LMBR1: variants seen among roughly 807,000 people sequenced by gnomAD.
LMBR1 encodes limb development membrane protein 1, also known as limb region 1 protein homolog.
Under a neutral mutation model 73.9 loss-of-function variants are expected in LMBR1, and 52 were observed. That is an observed-to-expected ratio of 0.70 (90% CI 0.56 to 0.89). The LOEUF is 0.89. LMBR1 is among the 40% of genes least tolerant of loss of function. LMBR1 has a pLI of 0.00. For synonymous variants in LMBR1, 215 were observed against 209.4 expected, an observed-to-expected ratio of 1.03 and a Z score of -0.23; for missense variants, 539 against 579.8, an observed-to-expected ratio of 0.93 and a Z score of 0.72.
chr7:156,850,604 A>G (rs998836689), intron 1 of LMBR1, among the ~76,000 whole-genome samples: 2 of 152,182 alleles, frequency 1.3e-5, no homozygotes, highest in East Asian at 1.9e-4. Flanking sequence ...TCCATGCTGT[A>G]GCATGTAACA....
At chr7:156,778,781 C>T (rs1472890535) in intron 5 of LMBR1, among the ~76,000 whole-genome samples, 1 of 152,162 alleles carries the variant, frequency 6.6e-6, no homozygotes, top group Non-Finnish European at 1.5e-5. Flanking sequence ...CTTTTGGATG[C>T]CATTCTGACT....
intron 5 of LMBR1, among the ~76,000 whole-genome samples, chr7:156,771,470 CTT>C (rs1226600411): frequency 6.6e-6 from 1 of 152,098 alleles, no homozygotes; most frequent in African/African-American, 2.4e-5. Context: ...AACTAGAAAA[CTT>C]AGCAGAAATG....
intron 15 of LMBR1, among the ~76,000 whole-genome samples, chr7:156,713,489 A>T (rs1334551614): frequency 6.6e-6 from 1 of 152,008 alleles, no homozygotes; most frequent in Non-Finnish European, 1.5e-5. Flanking sequence ...CATGTGGGGG[A>T]CAGGAGGTAC....
intron 1 of LMBR1, among the ~76,000 whole-genome samples, chr7:156,890,051 A>T (rs1057018221): frequency 1.3e-5 from 2 of 152,184 alleles, no homozygotes; most frequent in African/African-American, 4.8e-5. Context: ...CAATAAAACC[A>T]CATAAAGTCC....
rs145270269 is a variant in LMBR1 at position 156,786,125 on chromosome 7, G to A, written c.423+10264C>T. On this transcript the variant is annotated intron_variant, in intron 5 of 16. Transcript: ENST00000353442. The stretch of plus-strand genomic sequence containing the variant: ...AGGGAGGGAGGGAAGGAGGGAGGCT[G>A]TGAAGGAGGGAAAGAAGGAATGAGG... 1.7e-3 allele frequency among the ~76,000 whole-genome samples: 252 copies of A among 149,416 alleles called. 3 individuals are homozygous for A. The highest frequency in any genetic ancestry group is 5.7e-3 in the African/African-American group (232 of 40,570).
chr7:156,867,566 T>C (rs774027254), intron 1 of LMBR1, among the ~76,000 whole-genome samples: 3 of 152,230 alleles, frequency 2.0e-5, no homozygotes, highest in East Asian at 1.9e-4. Context: ...TGGAATATTA[T>C]TGGACCATAA....
intron 5 of LMBR1, among the ~76,000 whole-genome samples, chr7:156,766,885 T>C (rs1824188831): frequency 6.6e-6 from 1 of 152,104 alleles, no homozygotes; most frequent in African/African-American, 2.4e-5. Flanking sequence ...AGGTAAAAGG[T>C]CCTGTGGGTA....
intron 8 of LMBR1, among the ~76,000 whole-genome samples, chr7:156,759,279 G>C (rs928029743): frequency 6.6e-6 from 1 of 152,202 alleles, no homozygotes; most frequent in Admixed American, 6.5e-5. Flanking sequence ...TCAATTAGAG[G>C]AAACTGTAAG....
chr7:156,805,553 TC>T (rs1831887078), intron 4 of LMBR1, among the ~76,000 whole-genome samples: 1 of 151,910 alleles, frequency 6.6e-6, no homozygotes. Context: ...TTTAAAAGAG[TC>T]TTTAGGTCAG....
chr7:156,819,628 T>G (rs1834442646), intron 4 of LMBR1, among the ~76,000 whole-genome samples: 1 of 152,198 alleles, frequency 6.6e-6, no homozygotes. Context: ...AAATGAATAT[T>G]AGTGATATAA....
At chr7:156,749,281 C>CATT (rs10660341) in intron 9 of LMBR1, among the ~76,000 whole-genome samples, 34,424 of 151,972 alleles carry the variant, frequency 0.23, 4,753 homozygotes, top group African/African-American at 0.4. Flanking sequence ...TTCCATATAT[C>CATT]AAGTGTGTTA....
At position 156,800,482 on chromosome 7, in the gene LMBR1, C is replaced by CAAAAAAAAAAAAA. The variant is rs1245017996; in HGVS notation, c.320-4003_320-3991dup. ...AAGCCTACTGTTAAGACTTGCTACT[C>CAAAAAAAAAAAAA]AAAAAAAAAAAAAAAAAAGATTTTC... On this transcript the variant is annotated intron_variant, in intron 4 of 16. Coordinates refer to ENST00000353442, the MANE Select transcript of LMBR1 (RefSeq NM_022458.4). Among the ~76,000 whole-genome samples the CAAAAAAAAAAAAA allele has an allele frequency of 7.8e-3, 628 of 80,822 alleles. 42 individuals carry two copies. The highest frequency in any genetic ancestry group is 0.023 in the African/African-American group (465 of 20,424). The allele number at this position is 80,822 out of a possible 152,430, so 53.0% of individuals were successfully genotyped here. A position where few individuals can be genotyped will look rare whatever the true frequency, so the allele number is the denominator to read the frequency against.
chr7:156,864,084 G>A (rs1798104251), intron 1 of LMBR1, among the ~76,000 whole-genome samples: 1 of 152,128 alleles, frequency 6.6e-6, no homozygotes, highest in Non-Finnish European at 1.5e-5. Context: ...AACCTGGGAA[G>A]TGGAGGTTGC....
At chr7:156,751,101 C>A (rs887781557) in intron 9 of LMBR1, among the ~76,000 whole-genome samples, 1 of 152,044 alleles carries the variant, frequency 6.6e-6, no homozygotes, top group Non-Finnish European at 1.5e-5. Flanking sequence ...CAGAGTGAGA[C>A]CTTGTCTCAA....
At chr7:156,810,404 T>A (rs80037847) in intron 4 of LMBR1, among the ~76,000 whole-genome samples, 1 of 152,128 alleles carries the variant, frequency 6.6e-6, no homozygotes, top group Non-Finnish European at 1.5e-5. Flanking sequence ...TTTCTCTCTC[T>A]TTTTTTGAGA....
At chr7:156,675,702 G>C, downstream of LMBR1, 1 of 1,577,078 alleles carries the variant, frequency 6.3e-7, no homozygotes, top group Non-Finnish European at 8.7e-7. Context: ...TCAGTTCACA[G>C]AAATCAGCCA....
chr7:156,853,674 G>C (rs1796550493), intron 1 of LMBR1, among the ~76,000 whole-genome samples: 1 of 151,976 alleles, frequency 6.6e-6, no homozygotes, highest in South Asian at 2.1e-4. Flanking sequence ...TTTGTTTTTT[G>C]AGACAAAGTG....
chr7:156,705,863 A>T (rs1307822849), intron 15 of LMBR1, among the ~76,000 whole-genome samples: 3 of 152,184 alleles, frequency 2.0e-5, no homozygotes, highest in Non-Finnish European at 4.4e-5. Flanking sequence ...ATAGAGAAAA[A>T]GATAACAAAG....
chr7:156,879,681 A>AAAT (rs57374545), intron 1 of LMBR1, among the ~76,000 whole-genome samples: 2 of 151,126 alleles, frequency 1.3e-5, no homozygotes, highest in African/African-American at 4.9e-5. Flanking sequence ...AAAAAAAAAA[A>AAAT]GTGGGCTAAG....
Sources: gnomAD v4.1 joint callset for allele counts (sites outside exome capture counted in the v4.1 genomes callset) on GRCh38, gnomAD v4.1.1 for gene constraint, MANE v1.5 for transcripts, NCBI Gene and HGNC (gene_info 2026-07-23, HGNC 2026-07-21) for gene names.